The following CRADD variants were observed in gnomAD, a reference collection of about 807,000 sequenced individuals.
The protein encoded by CRADD is death domain-containing protein CRADD.
CRADD carries 9 observed loss-of-function variants against 15.5 expected under a neutral mutation model. The ratio of observed to expected loss-of-function variants is 0.58; its 90% CI spans 0.35 to 1.01. The LOEUF (loss-of-function observed/expected upper bound fraction) is 1.01. Ranked by LOEUF, CRADD falls within the 50% of genes least tolerant of loss-of-function variation. CRADD has a pLI of 0.02. For missense variants in CRADD, 227 were observed against 250.3 expected (o/e 0.91, Z 0.63); for synonymous variants, 118 against 107.6 (o/e 1.10, Z -0.60).
At chr12:93,790,776 C>T (rs1450870954) in intron 2 of CRADD, 5 of 152,056 alleles carry the variant, frequency 3.3e-5, no homozygotes, top group Non-Finnish European at 7.4e-5. Context: ...ATCTGTACTC[C>T]TGACCTTAGG....
chr12:93,827,484 C>T (rs1271454079), intron 2 of CRADD, among the ~76,000 whole-genome samples: 6 of 152,158 alleles, frequency 3.9e-5, no homozygotes, highest in Admixed American at 6.5e-5. Flanking sequence ...ACATTTGTTT[C>T]GTCGGCTATT....
chr12:93,779,579 A>G (rs1365386317), intron 2 of CRADD, among the ~76,000 whole-genome samples: 1 of 147,246 alleles, frequency 6.8e-6, no homozygotes, highest in African/African-American at 2.4e-5. Context: ...GGAATGAGGA[A>G]AAAGAAAGAA....
At chr12:93,823,016 C>T (rs539532388) in intron 2 of CRADD, among the ~76,000 whole-genome samples, 9 of 152,168 alleles carry the variant, frequency 5.9e-5, no homozygotes, top group Non-Finnish European at 7.3e-5. Context: ...TCGCATTGGC[C>T]GGGCACGGTG....
chr12:93,678,497 A>G (rs942271530), intron 1 of CRADD, among the ~76,000 whole-genome samples: 3 of 151,878 alleles, frequency 2.0e-5, no homozygotes, highest in Non-Finnish European at 4.4e-5. Context: ...TCTTTTTCCA[A>G]ATTTCTTTAT....
At chr12:93,769,382 C>T (rs759749149) in intron 2 of CRADD, among the ~76,000 whole-genome samples, 13 of 152,202 alleles carry the variant, frequency 8.5e-5, no homozygotes, top group East Asian at 3.8e-4. Flanking sequence ...CCACTCTTGG[C>T]CCACCATTCT....
intron 2 of CRADD, among the ~76,000 whole-genome samples, chr12:93,846,170 T>C (rs1039776010): frequency 6.6e-6 from 1 of 152,232 alleles, no homozygotes; most frequent in African/African-American, 2.4e-5. Flanking sequence ...ACATTTTGCG[T>C]ATCCATTCAT....
intron 2 of CRADD, among the ~76,000 whole-genome samples, chr12:93,756,995 T>G (rs1956898219): frequency 6.6e-6 from 1 of 152,234 alleles, no homozygotes; most frequent in Non-Finnish European, 1.5e-5. Context: ...TTTGTTCACT[T>G]GATTACCATT....
chr12:93,837,456 C>T (rs1957987182), intron 2 of CRADD: 2 of 151,940 alleles, frequency 1.3e-5, no homozygotes, highest in South Asian at 2.1e-4. Flanking sequence ...TTAATAGAGA[C>T]AGGTTTTCAC....
chr12:93,772,196 T>C (rs1192517681), intron 2 of CRADD, among the ~76,000 whole-genome samples: 2 of 152,222 alleles, frequency 1.3e-5, no homozygotes, highest in Non-Finnish European at 2.9e-5. Context: ...TGTGGTTTAT[T>C]GGCTTCTAGG....
At chr12:93,696,809 G>A (rs932863499) in intron 2 of CRADD, among the ~76,000 whole-genome samples, 2 of 151,814 alleles carry the variant, frequency 1.3e-5, no homozygotes, top group African/African-American at 2.4e-5. Flanking sequence ...TGAAAATATA[G>A]TAGGACAACC....
At chr12:93,747,837 CTT>C (rs1956778633) in intron 2 of CRADD, among the ~76,000 whole-genome samples, 2 of 152,060 alleles carry the variant, frequency 1.3e-5, no homozygotes, top group South Asian at 4.1e-4. Flanking sequence ...ACACTTCCCT[CTT>C]CTCCCACTCT....
chr12:93,689,258 G>GT (rs1345912950), intron 2 of CRADD, among the ~76,000 whole-genome samples: 1 of 152,160 alleles, frequency 6.6e-6, no homozygotes, highest in Non-Finnish European at 1.5e-5. Flanking sequence ...CAGCTTCAGA[G>GT]TTTCACCAAA....
At chr12:93,830,026 T>A (rs1364763652) in intron 2 of CRADD, among the ~76,000 whole-genome samples, 2 of 152,110 alleles carry the variant, frequency 1.3e-5, no homozygotes, top group African/African-American at 4.8e-5. Context: ...GCACTCCTGA[T>A]GTGCCAGGAA....
chr12:93,860,498 TATGGAGAAAGAGA>T (rs1282626478), intron 2 of CRADD, among the ~76,000 whole-genome samples: 1 of 152,122 alleles, frequency 6.6e-6, no homozygotes, highest in East Asian at 1.9e-4. Flanking sequence ...AGCCCCTTGC[TATGGAGAAAGAGA>T]ATGCAGCAAA....
chr12:93,856,429 G>A (rs1305219454), intron 2 of CRADD, among the ~76,000 whole-genome samples: 1 of 152,200 alleles, frequency 6.6e-6, no homozygotes, highest in Non-Finnish European at 1.5e-5. Context: ...ATCTCAGCCT[G>A]CTGGGGAGAC....
At chr12:93,815,582 AT>A (rs746501464) in intron 2 of CRADD, 14 of 152,248 alleles carry the variant, frequency 9.2e-5, no homozygotes. Context: ...TTTATACCAG[AT>A]TAGTAGAGTA....
At chr12:93,853,906 G>T (rs1388929452), downstream of CRADD, among the ~76,000 whole-genome samples, 1 of 152,190 alleles carries the variant, frequency 6.6e-6, no homozygotes, top group Non-Finnish European at 1.5e-5. Flanking sequence ...TCCCTGCGTG[G>T]ATCTTTAGGT....
intron 2 of CRADD, chr12:93,846,592 A>ACACACACGCG (rs1555228790): frequency 2.7e-5 from 4 of 146,876 alleles, no homozygotes; most frequent in African/African-American, 1.0e-4. Flanking sequence ...ACACACACAC[A>ACACACACGCG]CACACACACA....
At position 93,782,667 on chromosome 12, in the gene CRADD, G is replaced by T. The variant is rs367950258; in HGVS notation, c.299-67303G>T. ...ATGAATCTTGTTTGGAACTTGATTTGAACAACTGACTAACTAAAAAAATGC... is the reference window on the plus strand; with the variant it reads ...ATGAATCTTGTTTGGAACTTGATTTTAACAACTGACTAACTAAAAAAATGC... On this transcript the variant is annotated intron_variant, in intron 2 of 2. Transcript: ENST00000332896. Among the ~76,000 whole-genome samples the T allele has an allele frequency of 1.4e-4, 21 of 149,972 alleles. 2 individuals carry two copies. Among genetic ancestry groups the T allele is most frequent in the Admixed American group, 1.3e-3 (19 of 15,104 alleles).
Sources: allele counts gnomAD v4.1 joint callset (sites outside exome capture counted in the v4.1 genomes callset), GRCh38; gene constraint gnomAD v4.1.1; transcripts MANE v1.5; gene names NCBI Gene and HGNC (gene_info 2026-07-23, HGNC 2026-07-21).